Variants in ANXA4 observed in about 807,000 individuals in gnomAD.
The protein encoded by ANXA4 is annexin A4.
Under a neutral mutation model 49.8 loss-of-function variants are expected in ANXA4, and 39 were observed. That is an observed-to-expected ratio of 0.78 (90% CI 0.61 to 1.02). The LOEUF is 1.02. ANXA4 is among the 50% of genes least tolerant of loss of function. The pLI is 0.00. For missense variants in ANXA4, 360 were observed against 410.1 expected (o/e 0.88, Z 1.05); for synonymous variants, 134 against 152.5 (o/e 0.88, Z 0.89).
At chr2:69,710,687 G>A (rs1419987501) in intron 2 of ANXA4, among the ~76,000 whole-genome samples, 2 of 152,044 alleles carry the variant, frequency 1.3e-5, no homozygotes, top group South Asian at 2.1e-4. Flanking sequence ...TCTACTTAAG[G>A]CAAATAACCC....
intron 1 of ANXA4, among the ~76,000 whole-genome samples, chr2:69,765,883 C>T (rs865918443): frequency 1.3e-5 from 2 of 152,140 alleles, no homozygotes; most frequent in Non-Finnish European, 2.9e-5. Context: ...TTCAGGAAGC[C>T]CAAAGAGCCA....
At chr2:69,774,157 T>TAG (rs1671864956) in intron 1 of ANXA4, among the ~76,000 whole-genome samples, 2 of 152,152 alleles carry the variant, frequency 1.3e-5, no homozygotes, top group East Asian at 3.9e-4. Context: ...ATTTCCACCC[T>TAG]GCTAAGACTA....
rs933997998 is a variant in ANXA4, at chr2:69,720,089, C to T, written n.767-685C>T. ...CATTCAGATTAGGAACGAGCTCCCCCTCCAAATAAGCAAGCAGACTAGAGA... is the reference window on the plus strand; with the variant it reads ...CATTCAGATTAGGAACGAGCTCCCCTTCCAAATAAGCAAGCAGACTAGAGA... On this transcript the variant is annotated intron_variant and non_coding_transcript_variant, in intron 2 of 3. Transcript: ENST00000418066. Among the ~76,000 whole-genome samples the T allele has an allele frequency of 4.6e-5, 7 of 152,288 alleles. No individual in the cohort carries two copies. The South Asian group carries it at 6.2e-4, about 14-fold the overall frequency.
intron 1 of ANXA4, among the ~76,000 whole-genome samples, chr2:69,750,074 T>C (rs1670776947): frequency 6.6e-6 from 1 of 152,182 alleles, no homozygotes; most frequent in Non-Finnish European, 1.5e-5. Flanking sequence ...TATGTACTTA[T>C]TTGTACTATT....
intron 2 of ANXA4, among the ~76,000 whole-genome samples, chr2:69,785,761 C>T (rs1672387682): frequency 6.6e-6 from 1 of 152,060 alleles, no homozygotes; most frequent in Non-Finnish European, 1.5e-5. Flanking sequence ...AGTGCTTATG[C>T]TCCTTCCCAC....
intron 2 of ANXA4, among the ~76,000 whole-genome samples, chr2:69,659,116 A>T (rs1219757189): frequency 1.3e-5 from 2 of 152,204 alleles, no homozygotes; most frequent in African/African-American, 4.8e-5. Flanking sequence ...AATCAGAGTT[A>T]CTTTGTGAAA....
chr2:69,734,928 A>G (rs1670205124), intron 3 of ANXA4, among the ~76,000 whole-genome samples: 1 of 152,212 alleles, frequency 6.6e-6, no homozygotes, highest in Non-Finnish European at 1.5e-5. Flanking sequence ...TCTAGGTGTC[A>G]TTCCACAGTC....
At chr2:69,717,615 C>T (rs539069552) in intron 2 of ANXA4, among the ~76,000 whole-genome samples, 2 of 152,174 alleles carry the variant, frequency 1.3e-5, no homozygotes, top group South Asian at 2.1e-4. Flanking sequence ...TTTCTGTTAC[C>T]GCCATTTCCT....
intron 3 of ANXA4, among the ~76,000 whole-genome samples, chr2:69,734,186 T>G (rs1250488785): frequency 6.6e-6 from 1 of 152,226 alleles, no homozygotes; most frequent in Non-Finnish European, 1.5e-5. Flanking sequence ...AGCCAAAGGT[T>G]ATCTGGCCTC....
At chr2:69,660,764 AAGGG>A (rs887942114) in intron 2 of ANXA4, among the ~76,000 whole-genome samples, 1 of 151,520 alleles carries the variant, frequency 6.6e-6, no homozygotes. Context: ...TATTTGCCAG[AAGGG>A]AGGGAGGGAG....
chr2:69,647,907 T>C (rs1312296979), intron 1 of ANXA4, among the ~76,000 whole-genome samples: 3 of 152,190 alleles, frequency 2.0e-5, no homozygotes, highest in Non-Finnish European at 4.4e-5. Flanking sequence ...GACAGTATTA[T>C]CTATTTTATC....
At chr2:69,657,098 A>T (rs112876696) in intron 2 of ANXA4, among the ~76,000 whole-genome samples, 1 of 151,060 alleles carries the variant, frequency 6.6e-6, no homozygotes, top group Non-Finnish European at 1.5e-5. Context: ...GGGTTCAAGC[A>T]ATTCTCCTGG....
intron 2 of ANXA4, among the ~76,000 whole-genome samples, chr2:69,654,336 T>C (rs61173169): frequency 0.071 from 10,748 of 152,218 alleles, 1,124 homozygotes; most frequent in East Asian, 0.37. Context: ...ATAGGAGCGG[T>C]GAGAGAGGGC....
At chr2:69,781,130 T>C in intron 1 of ANXA4, 1 of 193,446 alleles carries the variant, frequency 5.2e-6, no homozygotes. Context: ...TATGCTGTAC[T>C]TTCCTCTGAT....
At chr2:69,661,715 A>G (rs1676728102) in intron 2 of ANXA4, among the ~76,000 whole-genome samples, 1 of 152,164 alleles carries the variant, frequency 6.6e-6, no homozygotes, top group African/African-American at 2.4e-5. Flanking sequence ...GGGAAAACCA[A>G]GAAGCAACAT....
At chr2:69,706,856 G>T (rs1421283665) in intron 2 of ANXA4, among the ~76,000 whole-genome samples, 1 of 152,112 alleles carries the variant, frequency 6.6e-6, no homozygotes, top group Non-Finnish European at 1.5e-5. Flanking sequence ...ATTTCTCATT[G>T]TATGGATAGA....
chr2:69,740,579 C>G (rs1670359098), upstream of ANXA4, among the ~76,000 whole-genome samples: 1 of 151,200 alleles, frequency 6.6e-6, no homozygotes, highest in Non-Finnish European at 1.5e-5. Context: ...TTCAGCCTGG[C>G]TAGTAGCTGG....
At chr2:69,649,502 CAG>C (rs1449958022) in intron 1 of ANXA4, among the ~76,000 whole-genome samples, 1 of 150,016 alleles carries the variant, frequency 6.7e-6, no homozygotes, top group African/African-American at 2.4e-5. Flanking sequence ...GCTTAGTAAT[CAG>C]TGCTTTACTG....
rs1455569867 is a variant in ANXA4 at position 69,812,635 on chromosome 2, T to A, written c.478-18T>A. 6.2e-7 allele frequency: 1 copy of A among 1,610,718 alleles called. No individual in the cohort carries two copies. Among genetic ancestry groups the A allele is most frequent in the Non-Finnish European group, 8.5e-7 (1 of 1,177,602 alleles). On this transcript the variant is annotated intron_variant, in intron 7 of 12. Coordinates refer to ENST00000394295, the MANE Select transcript of ANXA4 (RefSeq NM_001153.5). ...GTATACTCTCGAATTATTTTTTATT[T>A]GTTTTTCTCATCCTCAGGGTGGGAG...
Sources: gnomAD v4.1 joint callset for allele counts (sites outside exome capture counted in the v4.1 genomes callset) on GRCh38, gnomAD v4.1.1 for gene constraint, MANE v1.5 for transcripts, NCBI Gene and HGNC (gene_info 2026-07-23, HGNC 2026-07-21) for gene names.